HCN4: variants seen among roughly 807,000 people sequenced by gnomAD.
HCN4 encodes the protein potassium/sodium hyperpolarization-activated cyclic nucleotide-gated channel 4.
HCN4 carries 29 observed loss-of-function variants against 76.9 expected under a neutral mutation model. The observed-to-expected ratio is 0.38, with a 90% CI of 0.28 to 0.51. HCN4 has a LOEUF of 0.51. HCN4 is among the 20% of genes least tolerant of loss of function. The probability of loss-of-function intolerance (pLI) is 0.90; values close to 1 mark genes in which losing one functional copy is unlikely to be tolerated. For missense variants in HCN4, 1,416 were observed against 1,715.2 expected, an observed-to-expected ratio of 0.83 and a Z score of 3.08; for synonymous variants, 772 against 762.5, an observed-to-expected ratio of 1.01 and a Z score of -0.21.
chr15:73,357,362 C>A (rs1443002918), intron 1 of HCN4, among the ~76,000 whole-genome samples: 1 of 152,128 alleles, frequency 6.6e-6, no homozygotes, highest in African/African-American at 2.4e-5. Context: ...CTCTGGGACA[C>A]GTTGAACGGC....
At chr15:73,324,873 A>G in intron 6 of HCN4, 82 bp downstream of exon 6, 1 of 1,563,832 alleles carries the variant, frequency 6.4e-7, no homozygotes, top group South Asian at 1.1e-5. Flanking sequence ...AAGGGTGCTC[A>G]CTGCCTCTGT....
intron 1 of HCN4, among the ~76,000 whole-genome samples, chr15:73,354,122 C>G (rs368091031): frequency 2.0e-4 from 31 of 152,296 alleles, no homozygotes; most frequent in African/African-American, 7.5e-4. Flanking sequence ...GGTTTACAGG[C>G]GGGTTGTTTG....
chr15:73,349,444 G>A (rs1451675381), intron 1 of HCN4, among the ~76,000 whole-genome samples: 1 of 152,056 alleles, frequency 6.6e-6, no homozygotes, highest in African/African-American at 2.4e-5. Context: ...TGCCATATAT[G>A]GTGGGCCAAG....
chr15:73,323,379 G>A lies in HCN4; in HGVS notation c.2714C>T (p.Ala905Val), dbSNP rs987812425. 1.3e-6 allele frequency: 2 copies of A among 1,587,088 alleles called. No homozygotes were observed. The highest frequency in any genetic ancestry group is 2.7e-5 in the African/African-American group (2 of 74,546). ...PSAGVAATTI[A>V]GFGHFHKALG... is the part of the protein sequence containing the mutation. ...CGCCTTGTGGAAGTGGCCAAACCCG[G>A]CTATGGTGGTGGCGGCTACGCCAGC... The change falls in exon 8 of 8, where the codon GCC (alanine) becomes GTC (valine). Residue 905 changes from alanine to valine, a missense_variant. Coordinates refer to ENST00000261917, the MANE Select transcript of HCN4 (RefSeq NM_005477.3).
chr15:73,364,649 G>A (rs2043120576), intron 1 of HCN4, among the ~76,000 whole-genome samples: 1 of 152,136 alleles, frequency 6.6e-6, no homozygotes, highest in Non-Finnish European at 1.5e-5. Flanking sequence ...GGGGAAGCCA[G>A]AAAAGCCCAG....
intron 2 of HCN4, among the ~76,000 whole-genome samples, chr15:73,337,824 G>A (rs1045236499): frequency 6.6e-6 from 1 of 152,158 alleles, no homozygotes; most frequent in South Asian, 2.1e-4. Context: ...CCTTGTCCCT[G>A]TGGGAAGAAC....
Position 73,343,363 on chromosome 15 carries a change from G to C in HCN4, c.1209+22C>G, listed in dbSNP as rs769392250. 1 of 1,612,494 alleles carries C rather than the reference G, an allele frequency of 6.2e-7. No homozygotes were observed. Among genetic ancestry groups the C allele is most frequent in the East Asian group, 2.2e-5 (1 of 44,858 alleles). On this transcript the variant is annotated intron_variant, in intron 2 of 7. Coordinates refer to ENST00000261917, the MANE Select transcript of HCN4 (RefSeq NM_005477.3). This position sits in a 1 kb window ranked among gnomAD's most constrained non-coding sequence, Gnocchi z 5.7. ...CTGTGGGGAGTGGCCTTTCCCCCAA[G>C]AGGTTTGCACTGACCACTTACCTCT...
At position 73,367,167 on chromosome 15, in the gene HCN4, G is replaced by A. The variant is rs1053283608; in HGVS notation, c.785+319C>T. ...CATCCTGACTCTGCAGCCTTGAAGGGGGAGGAGGAATATGTGGCTTAAGGT... is the reference window on the plus strand; with the variant it reads ...CATCCTGACTCTGCAGCCTTGAAGGAGGAGGAGGAATATGTGGCTTAAGGT... On this transcript the variant is annotated intron_variant, in intron 1 of 7. Transcript: ENST00000261917. This position sits in a 1 kb window ranked among gnomAD's most constrained non-coding sequence, Gnocchi z 7.5. Among the ~76,000 whole-genome samples the A allele has an allele frequency of 6.6e-6, 1 of 152,212 alleles. No individual in the cohort carries two copies. The highest frequency in any genetic ancestry group is 1.9e-4 in the East Asian group (1 of 5,180).
In HCN4 at chr15:73,322,398, G is replaced by T; in HGVS notation, c.*83C>A. 1 of 1,063,272 alleles carries T rather than the reference G, an allele frequency of 9.4e-7. No homozygotes were observed. Among genetic ancestry groups the T allele is most frequent in the Non-Finnish European group, 1.4e-6 (1 of 702,760 alleles). 65.9% of individuals were successfully genotyped at this position (1,063,272 alleles called of 1,614,324 possible). A position where few individuals can be genotyped will look rare whatever the true frequency, so the allele number is the denominator to read the frequency against. ...TTTTTAAATAATTATTACTGTTATT[G>T]GTATATCTCCTAATCACAGTTAAAC... On this transcript the variant is annotated 3_prime_UTR_variant, in exon 8 of 8. Coordinates refer to ENST00000261917, the MANE Select transcript of HCN4 (RefSeq NM_005477.3).
intron 1 of HCN4, among the ~76,000 whole-genome samples, chr15:73,361,053 G>A (rs1023124041): frequency 6.6e-6 from 1 of 152,222 alleles, no homozygotes; most frequent in African/African-American, 2.4e-5. Flanking sequence ...AGAAGCCCGA[G>A]AGCCATATTT....
In HCN4 at chr15:73,368,281, G is replaced by A; in HGVS notation, c.-11C>T. 2.0e-6 allele frequency: 3 copies of A among 1,480,538 alleles called. No individual in the cohort carries two copies. Among genetic ancestry groups the A allele is most frequent in the Non-Finnish European group, 2.7e-6 (3 of 1,119,922 alleles). 91.7% of individuals were successfully genotyped at this position (1,480,538 alleles called of 1,614,324 possible). On this transcript the variant is annotated 5_prime_UTR_variant, in exon 1 of 8. Coordinates refer to ENST00000261917, the MANE Select transcript of HCN4 (RefSeq NM_005477.3). The surrounding 1 kb of genome is among the most constrained non-coding windows in gnomAD (Gnocchi z 6.9). ...CGGCAGCTTGTCCATGGCGCCAGGGGCCGGGGTCGGACCGGGCCGGGGGCA... is the reference window on the plus strand; with the variant it reads ...CGGCAGCTTGTCCATGGCGCCAGGGACCGGGGTCGGACCGGGCCGGGGGCA...
chr15:73,339,844 G>A (rs2042989626), intron 2 of HCN4, among the ~76,000 whole-genome samples: 1 of 152,212 alleles, frequency 6.6e-6, no homozygotes, highest in African/African-American at 2.4e-5. Flanking sequence ...AGGGTTCCTG[G>A]GGCCAGCTGG....
chr15:73,357,409 A>ATGATCCC (rs1346230212), intron 1 of HCN4, among the ~76,000 whole-genome samples: 1 of 151,986 alleles, frequency 6.6e-6, no homozygotes, highest in Non-Finnish European at 1.5e-5. Context: ...CCCAGAGTAG[A>ATGATCCC]TGATCCCGCT....
Position 73,368,139 on chromosome 15 carries a change from G to A in HCN4, c.132C>T (p.Ser44=), listed in dbSNP as rs2151228712. 6.6e-7 allele frequency: 1 copy of A among 1,519,138 alleles called. No individual in the cohort carries two copies. The highest frequency in any genetic ancestry group is 1.4e-5 in the African/African-American group (1 of 69,638). The allele number at this position is 1,519,138 out of a possible 1,614,324, so 94.1% of individuals were successfully genotyped here. ...GTGGCCGCAGCCGGATGCTCCTGCG[G>A]CTGGGGTCTTGGCGGCCCCCGGCCC... ...EEGAGGRQDP[S]RRSIRLRPLP... The change falls in exon 1 of 8, where the codon AGC becomes AGT. Residue 44 remains serine, a synonymous_variant. Coordinates refer to ENST00000261917, the MANE Select transcript of HCN4 (RefSeq NM_005477.3). This position sits in a 1 kb window ranked among gnomAD's most constrained non-coding sequence, Gnocchi z 6.9.
chr15:73,340,861 C>G (rs1216587626), intron 2 of HCN4, among the ~76,000 whole-genome samples: 1 of 152,206 alleles, frequency 6.6e-6, no homozygotes, highest in Non-Finnish European at 1.5e-5. Flanking sequence ...AAAGTCATTC[C>G]CTTTCCATCT....
rs1220981665 is a variant in HCN4, at chr15:73,343,308, C to A, written c.1209+77G>T. The A allele has an allele frequency of 2.1e-6, 3 of 1,410,998 alleles. No homozygotes were observed. Among genetic ancestry groups the A allele is most frequent in the Non-Finnish European group, 2.0e-6 (2 of 1,009,700 alleles). The allele number at this position is 1,410,998 out of a possible 1,614,324, so 87.4% of individuals were successfully genotyped here. On this transcript the variant is annotated intron_variant, in intron 2 of 7. Transcript: ENST00000261917. The surrounding 1 kb of genome is among the most constrained non-coding windows in gnomAD (Gnocchi z 5.7). ...AATCTGACAGCCTATGTTCAATTAT[C>A]TGAGGTTCCCTGCCAGTTCCTCACT... is the stretch of plus-strand genomic sequence containing the variant.
chr15:73,366,853 A>C (rs3784812), intron 1 of HCN4, among the ~76,000 whole-genome samples: 1 of 152,278 alleles, frequency 6.6e-6, no homozygotes, highest in African/African-American at 2.4e-5. Context: ...AAGGTCATTC[A>C]GCCCTGCCGC....
intron 1 of HCN4, among the ~76,000 whole-genome samples, chr15:73,345,580 T>G (rs1454460167): frequency 6.6e-6 from 1 of 152,148 alleles, no homozygotes; most frequent in African/African-American, 2.4e-5. Flanking sequence ...TTTCAGCATC[T>G]ATGGGGTGCC....
Position 73,322,983 on chromosome 15 carries a change from G to T in HCN4, c.3110C>A (p.Thr1037Asn). ...PPGHSPGPPR[T>N]FPSAPPRASG... ...GGCCCGGGGCGGGGCACTCGGGAAGGTTCTTGGGGGGCCTGGGCTGTGGCC... is the reference window on the plus strand; with the variant it reads ...GGCCCGGGGCGGGGCACTCGGGAAGTTTCTTGGGGGGCCTGGGCTGTGGCC... Residue 1037 changes from threonine (T) to asparagine (N), a missense_variant, in exon 8 of 8, where the codon ACC (threonine) becomes AAC (asparagine). Coordinates refer to ENST00000261917, the MANE Select transcript of HCN4 (RefSeq NM_005477.3). 2 of 1,447,932 alleles carry T rather than the reference G, an allele frequency of 1.4e-6. No individual in the cohort carries two copies. The highest frequency in any genetic ancestry group is 1.8e-6 in the Non-Finnish European group (2 of 1,100,340). The allele number at this position is 1,447,932 out of a possible 1,614,324, so 89.7% of individuals were successfully genotyped here. A position where few individuals can be genotyped will look rare whatever the true frequency, so the allele number is the denominator to read the frequency against.
Sources: gnomAD v4.1 joint callset for allele counts (sites outside exome capture counted in the v4.1 genomes callset) on GRCh38, gnomAD v4.1.1 for gene constraint, Gnocchi (gnomAD v3.1) non-coding constraint, MANE v1.5 for transcripts, NCBI Gene and HGNC (gene_info 2026-07-23, HGNC 2026-07-21) for gene names.